REV1: variants seen among roughly 807,000 people sequenced by gnomAD.
The protein encoded by REV1 is translesion synthesis protein REV1.
A neutral mutation model predicts 137.4 loss-of-function variants in REV1; 42 were observed. The observed-to-expected ratio is 0.31, with a 90% confidence interval of 0.24 to 0.40. The LOEUF is 0.40. Ranked by LOEUF, REV1 falls within the 10% of genes least tolerant of loss-of-function variation. The pLI, the probability that REV1 is intolerant of heterozygous loss-of-function variation, is 1.00. For synonymous variants in REV1, 524 were observed against 519.2 expected (o/e 1.01, Z -0.12); for missense variants, 1,282 against 1,490.1 (o/e 0.86, Z 2.30).
chr2:99,406,049 A>G lies in REV1; in HGVS notation c.2672T>C (p.Leu891Ser), dbSNP rs1676251108. 6.2e-7 allele frequency: 1 copy of G among 1,613,766 alleles called. No individual in the cohort carries two copies. Among genetic ancestry groups the G allele is most frequent in the South Asian group, 1.1e-5 (1 of 90,976 alleles). Reference protein sequence around the residue: ...ISSASRTCTFLPPFPAHLPTS... With the variant: ...ISSASRTCTFSPPFPAHLPTS... ...CGGCAGATGTGCAGGAAAAGGTGGC[A>G]AGAAAGTGCAAGTTCTAGAAGCAGA... The change falls in exon 17 of 23, where the codon TTG (leucine) becomes TCG (serine). Residue 891 changes from leucine (L) to serine (S), a missense_variant. Leu to Ser is a moderately radical substitution (Grantham distance 145). Transcript: ENST00000258428.
At chr2:99,472,279 T>G (rs1685504575) in intron 1 of REV1, among the ~76,000 whole-genome samples, 1 of 152,240 alleles carries the variant, frequency 6.6e-6, no homozygotes, top group South Asian at 2.1e-4. Flanking sequence ...TTGAAGGCAT[T>G]ATGGTAAGTG....
intron 1 of REV1, among the ~76,000 whole-genome samples, chr2:99,480,298 A>G (rs909539138): frequency 6.6e-6 from 1 of 152,236 alleles, no homozygotes; most frequent in Non-Finnish European, 1.5e-5. Context: ...ACTCAGGCCT[A>G]GACTATAGAG....
rs1682664939 is a variant in REV1 at position 99,449,468 on chromosome 2, A to G, written c.218T>C (p.Leu73Ser). Residue 73 changes from leucine (L) to serine (S), a missense_variant, in exon 4 of 23, where the codon TTG becomes TCG. Around this residue, in one of 7 missense-constraint regions of REV1, gnomAD observed 107 missense variants for 164.3 expected, o/e 0.65. Transcript: ENST00000258428. ...SAEELRKLMMLHGGQYHVYYS... is the reference protein window; with the variant it reads ...SAEELRKLMMSHGGQYHVYYS... ...ATATACATGGTATTGACCTCCATGC[A>G]ACATCATTAGTTTTCTCAATTCCTC... is the stretch of plus-strand genomic sequence containing the variant. 6.6e-7 allele frequency: 1 copy of G among 1,515,520 alleles called. No individual in the cohort carries two copies. Among genetic ancestry groups the G allele is most frequent in the African/African-American group, 1.4e-5 (1 of 70,212 alleles). The allele number at this position is 1,515,520 out of a possible 1,614,324, so 93.9% of individuals were successfully genotyped here. A position where few individuals can be genotyped will look rare whatever the true frequency, so the allele number is the denominator to read the frequency against.
At position 99,470,534 on chromosome 2, in the gene REV1, T is replaced by G. The variant is rs566137343; in HGVS notation, c.-10-5549A>C. Reference sequence around the variant, plus strand: ...ACTTTATGTTCTTAGCTCCCACAATTTAGCCTAAATATTTGCCCCGGCAAG... The same window carrying G: ...ACTTTATGTTCTTAGCTCCCACAATGTAGCCTAAATATTTGCCCCGGCAAG... On this transcript the variant is annotated intron_variant, in intron 1 of 22. Coordinates refer to ENST00000258428, the MANE Select transcript of REV1 (RefSeq NM_016316.4). 4.6e-5 allele frequency among the ~76,000 whole-genome samples: 7 copies of G among 152,328 alleles called. No homozygotes were observed. The East Asian group carries it at 9.6e-4, about 21-fold the overall frequency.
At chr2:99,467,235 A>G (rs1185380308) in intron 1 of REV1, among the ~76,000 whole-genome samples, 1 of 152,148 alleles carries the variant, frequency 6.6e-6, no homozygotes, top group African/African-American at 2.4e-5. Flanking sequence ...GAAGCATGAA[A>G]CACAGTTATA....
chr2:99,471,919 T>C (rs1685465839), intron 1 of REV1, among the ~76,000 whole-genome samples: 1 of 146,774 alleles, frequency 6.8e-6, no homozygotes, highest in African/African-American at 2.5e-5. Flanking sequence ...AAACAAGTGT[T>C]GATAAGGATA....
chr2:99,436,050 G>A (rs1243594802), intron 6 of REV1, 109 bp from the exon 7 acceptor site: 2 of 692,246 alleles, frequency 2.9e-6, no homozygotes, highest in East Asian at 2.9e-5. Context: ...CACCCAGAAT[G>A]GAGTCTTTTT....
At chr2:99,489,444 G>C (rs1687452592) in intron 1 of REV1, among the ~76,000 whole-genome samples, 1 of 151,634 alleles carries the variant, frequency 6.6e-6, no homozygotes, top group South Asian at 2.1e-4. Flanking sequence ...GAAGGAGTTT[G>C]CGGCGCGGTC....
At chr2:99,462,702 CTAAA>C (rs1049962874) in intron 2 of REV1, 80 bp from the exon 3 acceptor site, 4 of 1,391,122 alleles carry the variant, frequency 2.9e-6, no homozygotes, top group East Asian at 2.3e-5. Context: ...ATTTTAAAAA[CTAAA>C]TAAATAAATG....
At chr2:99,452,750 G>A (rs1683070479) in intron 3 of REV1, among the ~76,000 whole-genome samples, 1 of 152,148 alleles carries the variant, frequency 6.6e-6, no homozygotes, top group African/African-American at 2.4e-5. Context: ...CCAGACTCCT[G>A]CCTAGAATCC....
intron 1 of REV1, among the ~76,000 whole-genome samples, chr2:99,473,980 T>C (rs1685699688): frequency 1.3e-5 from 2 of 152,220 alleles, no homozygotes; most frequent in African/African-American, 4.8e-5. Flanking sequence ...TCTTGCTCTA[T>C]TTATAAAAGC....
At chr2:99,415,386 TGAAGGGGAACTA>T (rs1677714668) in intron 12 of REV1, among the ~76,000 whole-genome samples, 1 of 152,208 alleles carries the variant, frequency 6.6e-6, no homozygotes, top group Non-Finnish European at 1.5e-5. Context: ...CATCTGTCCT[TGAAGGGGAACTA>T]TTACCCTAGG....
At chr2:99,489,017 G>A (rs1182688377) in intron 1 of REV1, among the ~76,000 whole-genome samples, 1 of 152,212 alleles carries the variant, frequency 6.6e-6, no homozygotes, top group Non-Finnish European at 1.5e-5. Flanking sequence ...TCTTACGGAG[G>A]AGTACATTAA....
chr2:99,456,481 G>C (rs1368676303), intron 3 of REV1, among the ~76,000 whole-genome samples: 3 of 152,180 alleles, frequency 2.0e-5, no homozygotes, highest in African/African-American at 7.2e-5. Context: ...GAAGGTCTCC[G>C]TAAAAAGGTA....
At chr2:99,421,442 T>G in intron 11 of REV1, 57 bp downstream of exon 11, 1 of 1,499,968 alleles carries the variant, frequency 6.7e-7, no homozygotes, top group Non-Finnish European at 9.0e-7. Flanking sequence ...TAAAATTAAC[T>G]GATATTCAAG....
chr2:99,468,191 AAAAG>A (rs1205071882), intron 1 of REV1, among the ~76,000 whole-genome samples: 1 of 151,950 alleles, frequency 6.6e-6, no homozygotes, highest in Admixed American at 6.6e-5. Context: ...AAAAAAAAAA[AAAAG>A]AAAGAAAGAA....
chr2:99,453,883 G>C (rs1489660407), intron 3 of REV1, among the ~76,000 whole-genome samples: 1 of 114,438 alleles, frequency 8.7e-6, no homozygotes, highest in Admixed American at 9.6e-5. Flanking sequence ...ACAGAGTAAG[G>C]CTCTGTCTCA....
chr2:99,458,031 G>T (rs1683731288), intron 3 of REV1, among the ~76,000 whole-genome samples: 1 of 152,002 alleles, frequency 6.6e-6, no homozygotes. Context: ...AAAACATTTG[G>T]GATCTAGCAC....
At chr2:99,420,821 A>C (rs1041651793) in intron 11 of REV1, among the ~76,000 whole-genome samples, 102 of 152,214 alleles carry the variant, frequency 6.7e-4, no homozygotes, top group African/African-American at 2.4e-3. Flanking sequence ...TGGTATACTG[A>C]GTATGGCAGG....
Sources: allele counts gnomAD v4.1 joint callset (sites outside exome capture counted in the v4.1 genomes callset), GRCh38; gene constraint gnomAD v4.1.1; regional missense constraint gnomAD v4.1.1; transcripts MANE v1.5; gene names NCBI Gene and HGNC (gene_info 2026-07-23, HGNC 2026-07-21).